HEBP1: variants seen among roughly 807,000 people sequenced by gnomAD.
HEBP1 encodes heme binding protein 1.
Under a neutral mutation model 20.4 loss-of-function variants are expected in HEBP1, and 13 were observed. The ratio of observed to expected loss-of-function variants is 0.64; its 90% CI spans 0.42 to 1.01. The LOEUF (loss-of-function observed/expected upper bound fraction) is 1.01, where lower values mean the gene tolerates loss of function less well. HEBP1 is among the 50% of genes least tolerant of loss of function. The probability of loss-of-function intolerance (pLI) is 0.00; values close to 1 mark genes in which losing one functional copy is unlikely to be tolerated. For synonymous variants in HEBP1, 92 were observed against 90.7 expected (o/e 1.01, Z -0.08); for missense variants, 241 against 247.3 (o/e 0.97, Z 0.17).
intron 3 of HEBP1, among the ~76,000 whole-genome samples, chr12:12,982,840 G>C (rs1045185846): frequency 6.6e-6 from 1 of 152,172 alleles, no homozygotes; most frequent in African/African-American, 2.4e-5. Flanking sequence ...AATTCTCAAA[G>C]GGAGGTGAAG....
chr12:12,996,383 A>G lies in HEBP1; in HGVS notation c.78+3654T>C, dbSNP rs2136552433. ...AGCATCCAAAGGCCCACCCAATCCA[A>G]CACAGAGAGCTGTCTACCCTCCTCC... On this transcript the variant is annotated intron_variant, in intron 1 of 3. Coordinates refer to ENST00000014930, the MANE Select transcript of HEBP1 (RefSeq NM_015987.5). This position sits in a 1 kb window ranked among gnomAD's most constrained non-coding sequence, Gnocchi z 4.1. 6.6e-6 allele frequency among the ~76,000 whole-genome samples: 1 copy of G among 152,298 alleles called. No homozygotes were observed. Among genetic ancestry groups the G allele is most frequent in the East Asian group, 1.9e-4 (1 of 5,182 alleles).
At chr12:12,983,916 A>G in intron 3 of HEBP1, 1 of 372,412 alleles carries the variant, frequency 2.7e-6, no homozygotes, top group Non-Finnish European at 5.4e-6. Context: ...CCAGGGAGCC[A>G]TCAACGACTA....
chr12:12,983,059 A>T (rs1236433568), intron 3 of HEBP1, among the ~76,000 whole-genome samples: 2 of 152,226 alleles, frequency 1.3e-5, no homozygotes, highest in Non-Finnish European at 2.9e-5. Context: ...ACTGGGTTGG[A>T]GCATAGGTTA....
intron 1 of HEBP1, among the ~76,000 whole-genome samples, chr12:12,991,104 G>A (rs1195950538): frequency 6.6e-6 from 1 of 152,156 alleles, no homozygotes; most frequent in African/African-American, 2.4e-5. Context: ...CCGCAGAGCT[G>A]GCTCTGCATG....
intron 2 of HEBP1, 125 bp downstream of exon 2, chr12:12,989,152 C>A: frequency 9.9e-7 from 1 of 1,009,176 alleles, no homozygotes; most frequent in Non-Finnish European, 1.5e-6. Flanking sequence ...GCAGGAGGTT[C>A]ACAGGTCATT....
rs1211612866 is a variant in HEBP1, at chr12:13,000,219, CGGCAGGGCGGCAGGGT to C, written c.-121_-106del. ...GCGGCAGGGCGGCAGGGCGGCAGGG[CGGCAGGGCGGCAGGGT>C]GGCAGGGCGGCAAGGCGGCGGGACG... On this transcript the variant is annotated 5_prime_UTR_variant, in exon 1 of 4. Transcript: ENST00000014930. 1.6e-4 allele frequency: 62 copies of C among 378,690 alleles called. 1 individual carries two copies. Among genetic ancestry groups the C allele is most frequent in the East Asian group, 1.6e-3 (31 of 19,476 alleles). 23.5% of individuals were successfully genotyped at this position (378,690 alleles called of 1,614,324 possible).
intron 1 of HEBP1, among the ~76,000 whole-genome samples, chr12:12,993,124 CCCCTCCCTCCCT>C (rs752729041): frequency 5.7e-5 from 6 of 105,986 alleles, no homozygotes; most frequent in African/African-American, 6.8e-5. Context: ...CTTTCGTTTC[CCCCTCCCTCCCT>C]CCCTCCCTCC....
At position 13,000,227 on chromosome 12, in the gene HEBP1, C is replaced by A; in HGVS notation, c.-113G>T. 1 of 392,536 alleles carries A rather than the reference C, an allele frequency of 2.5e-6. No homozygotes were observed. The highest frequency in any genetic ancestry group is 4.5e-6 in the Non-Finnish European group (1 of 220,804). 24.3% of individuals were successfully genotyped at this position (392,536 alleles called of 1,614,324 possible). On this transcript the variant is annotated 5_prime_UTR_variant, in exon 1 of 4. Transcript: ENST00000014930. ...GCGGCAGGGCGGCAGGGCGGCAGGG[C>A]GGCAGGGTGGCAGGGCGGCAAGGCG...
intron 3 of HEBP1, chr12:12,979,142 C>T (rs894590492): frequency 4.6e-5 from 7 of 152,044 alleles, no homozygotes; most frequent in East Asian, 1.9e-4. Flanking sequence ...GAAAGAGGAC[C>T]GGTCAAAGGA....
At position 12,996,066 on chromosome 12, in the gene HEBP1, C is replaced by CTGATCAT. The variant is rs1864285237; in HGVS notation, c.78+3964_78+3970dup. Among the ~76,000 whole-genome samples the CTGATCAT allele has an allele frequency of 6.6e-6, 1 of 152,226 alleles. No homozygotes were observed. Among genetic ancestry groups the CTGATCAT allele is most frequent in the East Asian group, 1.9e-4 (1 of 5,202 alleles). On this transcript the variant is annotated intron_variant, in intron 1 of 3. Coordinates refer to ENST00000014930, the MANE Select transcript of HEBP1 (RefSeq NM_015987.5). This position sits in a 1 kb window ranked among gnomAD's most constrained non-coding sequence, Gnocchi z 4.1. ...CCTGCTTTCTCATTACAAGAAAATA[C>CTGATCAT]TGATCATAACAATTAACCTAACAGA...
chr12:12,976,448 A>T (rs1343426971), intron 3 of HEBP1, among the ~76,000 whole-genome samples: 1 of 152,220 alleles, frequency 6.6e-6, no homozygotes, highest in African/African-American at 2.4e-5. Flanking sequence ...GGTTGCACTA[A>T]AATTTTTATT....
intron 1 of HEBP1, among the ~76,000 whole-genome samples, chr12:12,991,634 T>G (rs1197331961): frequency 1.3e-5 from 2 of 152,244 alleles, no homozygotes; most frequent in African/African-American, 4.8e-5. Flanking sequence ...GGCAGTGTTC[T>G]TCACATTTTG....
rs1010555726 is a variant in HEBP1, at chr12:12,996,446, C to T, written c.78+3591G>A. Among the ~76,000 whole-genome samples, 3 of 152,170 alleles carry T rather than the reference C, an allele frequency of 2.0e-5. No homozygotes were observed. Among genetic ancestry groups the T allele is most frequent in the East Asian group, 1.9e-4 (1 of 5,202 alleles). On this transcript the variant is annotated intron_variant, in intron 1 of 3. Coordinates refer to ENST00000014930, the MANE Select transcript of HEBP1 (RefSeq NM_015987.5). The surrounding 1 kb of genome is among the most constrained non-coding windows in gnomAD (Gnocchi z 4.1). The stretch of plus-strand genomic sequence containing the variant: ...TTAAGAAGGCACCTGATAAGGTCTG[C>T]GGCAGCACTGGCCTCCCTGCCAAGT...
intron 3 of HEBP1, among the ~76,000 whole-genome samples, chr12:12,979,227 C>G (rs534253781): frequency 6.6e-6 from 1 of 152,252 alleles, no homozygotes; most frequent in East Asian, 1.9e-4. Flanking sequence ...TCAGGGAGTC[C>G]TAAAATTCAC....
Position 12,998,294 on chromosome 12 carries a change from C to T in HEBP1, c.78+1743G>A, listed in dbSNP as rs1386985921. ...GCCTAGAAGAGTGCCTGGCACATAG[C>T]ACTCAAAAAACAGTTTTTGTCGAAT... On this transcript the variant is annotated intron_variant, in intron 1 of 3. Transcript: ENST00000014930. This position sits in a 1 kb window ranked among gnomAD's most constrained non-coding sequence, Gnocchi z 4.2. Among the ~76,000 whole-genome samples the T allele has an allele frequency of 3.9e-5, 6 of 152,094 alleles. No individual in the cohort carries two copies. The highest frequency in any genetic ancestry group is 1.4e-4 in the African/African-American group (6 of 41,420).
intron 1 of HEBP1, among the ~76,000 whole-genome samples, chr12:12,989,891 C>T (rs1864198032): frequency 6.6e-6 from 1 of 152,126 alleles, no homozygotes; most frequent in Non-Finnish European, 1.5e-5. Context: ...AGGAGGACTG[C>T]AATTCAAGGA....
Position 12,998,748 on chromosome 12 carries a change from C to A in HEBP1, c.78+1289G>T, listed in dbSNP as rs921500645. ...TACAGTCCTTTCACAAATGAGGCAT[C>A]GTATTGGGAGCTCTGTATACAGCTG... On this transcript the variant is annotated intron_variant, in intron 1 of 3. Transcript: ENST00000014930. The surrounding 1 kb of genome is among the most constrained non-coding windows in gnomAD (Gnocchi z 4.2). Among the ~76,000 whole-genome samples the A allele has an allele frequency of 6.6e-6, 1 of 152,184 alleles. No individual in the cohort carries two copies. The highest frequency in any genetic ancestry group is 1.5e-5 in the Non-Finnish European group (1 of 68,036).
At chr12:12,980,479 T>C (rs746629755) in intron 3 of HEBP1, 1 of 152,226 alleles carries the variant, frequency 6.6e-6, no homozygotes, top group Non-Finnish European at 1.5e-5. Context: ...AAAGAGGTGA[T>C]ATTAAGCATT....
rs1275865780 is a variant in HEBP1, at chr12:12,989,364, C to A, written c.130G>T (p.Val44Leu). ...TCCACAGGCTTATCTGTCACTTCTA[C>A]TGTGGCAAATTTGCCGCCTTCACAG... ...RACEGGKFAT[V>L]EVTDKPVDEA... The change falls in exon 2 of 4, where the codon GTA (valine) becomes TTA (leucine). Residue 44 changes from valine to leucine, a missense_variant. Coordinates refer to ENST00000014930, the MANE Select transcript of HEBP1 (RefSeq NM_015987.5). 1.9e-6 allele frequency: 3 copies of A among 1,614,232 alleles called. No individual in the cohort carries two copies. Among genetic ancestry groups the A allele is most frequent in the Non-Finnish European group, 2.5e-6 (3 of 1,180,012 alleles).
Sources: gnomAD v4.1 joint callset for allele counts (sites outside exome capture counted in the v4.1 genomes callset) on GRCh38, gnomAD v4.1.1 for gene constraint, Gnocchi (gnomAD v3.1) non-coding constraint, MANE v1.5 for transcripts, NCBI Gene and HGNC (gene_info 2026-07-23, HGNC 2026-07-21) for gene names.